MIOS: variants seen among roughly 807,000 people sequenced by gnomAD.
MIOS encodes the protein meiosis regulator for oocyte development.
MIOS carries 52 observed loss-of-function variants against 96.9 expected under a neutral mutation model. The ratio of observed to expected loss-of-function variants is 0.54; its 90% CI spans 0.43 to 0.68. The LOEUF (loss-of-function observed/expected upper bound fraction) is 0.68, where lower values mean the gene tolerates loss of function less well. MIOS is among the 30% of genes least tolerant of loss of function. MIOS has a pLI of 0.00. For missense variants in MIOS, 1,005 were observed against 1,052.8 expected, an observed-to-expected ratio of 0.95 and a Z score of 0.63; for synonymous variants, 397 against 359.5, an observed-to-expected ratio of 1.10 and a Z score of -1.18.
At chr7:7,589,363 G>T in intron 8 of MIOS, 42 bp from the exon 9 acceptor site, 1 of 1,580,052 alleles carries the variant, frequency 6.3e-7, no homozygotes, top group Non-Finnish European at 8.7e-7. Context: ...AAAATACATA[G>T]TGAAACAGAT....
At chr7:7,605,815 T>A in intron 11 of MIOS, 127 bp from the exon 12 acceptor site, 1 of 947,924 alleles carries the variant, frequency 1.1e-6, no homozygotes, top group Non-Finnish European at 1.5e-6. Context: ...GAACCTACCA[T>A]CAAAATTGCT....
Position 7,583,328 on chromosome 7 carries a change from G to A in MIOS, c.1604G>A (p.Arg535His), listed in dbSNP as rs773449075. 6 of 1,613,492 alleles carry A rather than the reference G, an allele frequency of 3.7e-6. No homozygotes were observed. Among genetic ancestry groups the A allele is most frequent in the East Asian group, 4.5e-5 (2 of 44,860 alleles). Residue 535 changes from arginine to histidine, a missense_variant, in exon 6 of 13, where the codon CGC (arginine) becomes CAC (histidine). Transcript: ENST00000340080. ...AAVALFNLDI[R>H]RAIQILNEGA... Reference sequence around the variant, plus strand: ...GTGGCATTGTTCAACTTGGATATTCGCCGAGCAATCCAAATCCTGAATGAA... The same window carrying A: ...GTGGCATTGTTCAACTTGGATATTCACCGAGCAATCCAAATCCTGAATGAA...
intron 4 of MIOS, 71 bp from the exon 5 acceptor site, chr7:7,574,027 C>G: frequency 7.9e-7 from 1 of 1,260,032 alleles, no homozygotes; most frequent in Non-Finnish European, 1.1e-6. Context: ...TGAATTGGCT[C>G]CAAATCAAAA....
At chr7:7,599,585 C>T (rs1173033709) in intron 11 of MIOS, among the ~76,000 whole-genome samples, 1 of 152,118 alleles carries the variant, frequency 6.6e-6, no homozygotes, top group African/African-American at 2.4e-5. Flanking sequence ...GTGTAAAAAA[C>T]ATGAACTAGG....
At chr7:7,595,458 C>T (rs1784177129) in intron 10 of MIOS, among the ~76,000 whole-genome samples, 1 of 152,104 alleles carries the variant, frequency 6.6e-6, no homozygotes, top group Non-Finnish European at 1.5e-5. Flanking sequence ...TATTTATGTG[C>T]AGTAAGGCAG....
intron 12 of MIOS, among the ~76,000 whole-genome samples, 177 bp downstream of exon 12, chr7:7,606,248 C>T (rs1438290638): frequency 1.3e-5 from 2 of 152,102 alleles, no homozygotes; most frequent in African/African-American, 4.8e-5. Context: ...CCTATGTAAC[C>T]TTAAACTATA....
At chr7:7,604,937 TATTA>T (rs1408240532) in intron 11 of MIOS, among the ~76,000 whole-genome samples, 2 of 152,174 alleles carry the variant, frequency 1.3e-5, no homozygotes, top group South Asian at 2.1e-4. Context: ...GCCCTCTCAT[TATTA>T]ATTGTTGGTG....
intron 5 of MIOS, among the ~76,000 whole-genome samples, chr7:7,579,676 C>G (rs1783649383): frequency 6.6e-6 from 1 of 152,142 alleles, no homozygotes; most frequent in African/African-American, 2.4e-5. Flanking sequence ...AAAAAATCCC[C>G]CCAAAATCTC....
intron 11 of MIOS, 84 bp from the exon 12 acceptor site, chr7:7,605,858 C>G: frequency 7.5e-7 from 1 of 1,340,762 alleles, no homozygotes; most frequent in Non-Finnish European, 1.0e-6. Flanking sequence ...ATATTTGGAA[C>G]ACAGTTTTAG....
intron 5 of MIOS, among the ~76,000 whole-genome samples, chr7:7,578,962 C>A (rs547418661): frequency 6.6e-6 from 1 of 152,134 alleles, no homozygotes; most frequent in African/African-American, 2.4e-5. Context: ...CTGCCTGCCT[C>A]GGGCTCCCAA....
intron 3 of MIOS, among the ~76,000 whole-genome samples, chr7:7,568,479 G>C (rs1407731797): frequency 1.3e-5 from 2 of 149,026 alleles, no homozygotes; most frequent in Non-Finnish European, 3.0e-5. Context: ...TATATTACAT[G>C]GTGAAAAAAA....
Position 7,589,442 on chromosome 7 carries a change from AAG to A in MIOS, c.1925_1926del (p.Glu642GlyfsTer14). The stretch of plus-strand genomic sequence containing the variant: ...ATCGAAAAGTTGACCAATGAAATGA[AAG>A]AGGCTGGAAATTTGGAAGGAATTTT... On this transcript the variant is annotated frameshift_variant, in exon 9 of 13. Coordinates refer to ENST00000340080, the MANE Select transcript of MIOS (RefSeq NM_019005.4). The A allele has an allele frequency of 6.2e-7, 1 of 1,613,670 alleles. No individual in the cohort carries two copies. Among genetic ancestry groups the A allele is most frequent in the Non-Finnish European group, 8.5e-7 (1 of 1,179,738 alleles).
At chr7:7,577,102 T>G (rs1483996594) in intron 5 of MIOS, among the ~76,000 whole-genome samples, 2 of 151,958 alleles carry the variant, frequency 1.3e-5, no homozygotes, top group African/African-American at 4.8e-5. Flanking sequence ...TTTGATAGAG[T>G]AAATGGAATT....
At chr7:7,582,665 A>T in intron 5 of MIOS, 1 of 964,732 alleles carries the variant, frequency 1.0e-6, no homozygotes, top group Non-Finnish European at 1.2e-6. Flanking sequence ...CTTCTACTGG[A>T]TTTCAGACAG....
chr7:7,579,536 A>T (rs867087108), intron 5 of MIOS, among the ~76,000 whole-genome samples: 4 of 152,214 alleles, frequency 2.6e-5, no homozygotes, highest in Non-Finnish European at 5.9e-5. Flanking sequence ...TGCAGTATTC[A>T]GTACAGTAAC....
intron 7 of MIOS, 59 bp downstream of exon 7, chr7:7,585,864 CTT>C: frequency 7.3e-7 from 1 of 1,371,828 alleles, no homozygotes. Flanking sequence ...TTTTATCTAA[CTT>C]TATTAAAATT....
Position 7,596,459 on chromosome 7 carries a change from C to T in MIOS, c.2399C>T (p.Pro800Leu), listed in dbSNP as rs757277191. The T allele has an allele frequency of 6.8e-6, 11 of 1,612,252 alleles. No homozygotes were observed. In the Admixed American group the frequency reaches 8.3e-5, roughly 12 times the overall value. Reference sequence around the variant, plus strand: ...ATGGGAACACCAGTTTCTAGCTGTCCTGGTATGACATAATTTTACAAAATA... The same window carrying T: ...ATGGGAACACCAGTTTCTAGCTGTCTTGGTATGACATAATTTTACAAAATA... ...INMGTPVSSC[P>L]GGTKSDEKVD... Residue 800 changes from proline (P) to leucine (L), a missense_variant and splice_region_variant, in exon 11 of 13, where the codon CCT becomes CTT. Physicochemically the swap from Pro to Leu is moderately conservative, Grantham distance 98. Coordinates refer to ENST00000340080, the MANE Select transcript of MIOS (RefSeq NM_019005.4).
Position 7,595,141 on chromosome 7 carries a change from A to G in MIOS, c.2196+9A>G, listed in dbSNP as rs116150119. On this transcript the variant is annotated intron_variant, in intron 10 of 12. Coordinates refer to ENST00000340080, the MANE Select transcript of MIOS (RefSeq NM_019005.4). ...CCAAGCCTTTAGCACAAGTAAGTAC[A>G]TTGTTTTGGAGAAAATCAAATTGTA... The G allele has an allele frequency of 1.7e-3, 2,655 of 1,600,888 alleles. 42 individuals are homozygous for G. The African/African-American group carries it at 0.031, about 19-fold the overall frequency.
In MIOS at chr7:7,572,304, G is replaced by C. The variant is rs1173532020; in HGVS notation, c.-40-132G>C. 2.1e-6 allele frequency: 1 copy of C among 476,902 alleles called. No individual in the cohort carries two copies. The highest frequency in any genetic ancestry group is 3.7e-6 in the Non-Finnish European group (1 of 272,710). 29.5% of individuals were successfully genotyped at this position (476,902 alleles called of 1,614,324 possible). A position where few individuals can be genotyped will look rare whatever the true frequency, so the allele number is the denominator to read the frequency against. On this transcript the variant is annotated intron_variant, in intron 3 of 12. Transcript: ENST00000340080. This position sits in a 1 kb window ranked among gnomAD's most constrained non-coding sequence, Gnocchi z 4.8. ...TTTTCTTGAATTCATAGCAGATAGAGAGAAGAAATACAAATATATTGAAAA... is the reference window on the plus strand; with the variant it reads ...TTTTCTTGAATTCATAGCAGATAGACAGAAGAAATACAAATATATTGAAAA...
Sources: allele counts gnomAD v4.1 joint callset (sites outside exome capture counted in the v4.1 genomes callset), GRCh38; gene constraint gnomAD v4.1.1; non-coding constraint Gnocchi (gnomAD v3.1); transcripts MANE v1.5; gene names NCBI Gene and HGNC (gene_info 2026-07-23, HGNC 2026-07-21).